Variants in CFAP92 observed in about 807,000 individuals in gnomAD.
CFAP92 encodes the protein uncharacterized protein CFAP92.
CFAP92 carries 86 observed loss-of-function variants against 106.3 expected under a neutral mutation model. The ratio of observed to expected loss-of-function variants is 0.81; its 90% CI spans 0.68 to 0.97. CFAP92 has a LOEUF of 0.97. CFAP92 is among the 50% of genes least tolerant of loss of function. CFAP92 has a pLI of 0.00. For synonymous variants in CFAP92, 477 were observed against 506.4 expected, an observed-to-expected ratio of 0.94 and a Z score of 0.78; for missense variants, 1,204 against 1,283.8, an observed-to-expected ratio of 0.94 and a Z score of 0.95.
At position 128,916,235 on chromosome 3, in the gene CFAP92, G is replaced by T; in HGVS notation, c.2788C>A (p.Pro930Thr). 8.1e-7 allele frequency: 1 copy of T among 1,232,098 alleles called. No homozygotes were observed. The highest frequency in any genetic ancestry group is 1.0e-6 in the Non-Finnish European group (1 of 987,966). The allele number at this position is 1,232,098 out of a possible 1,614,324, so 76.3% of individuals were successfully genotyped here. A position where few individuals can be genotyped will look rare whatever the true frequency, so the allele number is the denominator to read the frequency against. ...ITEAYQVSKK[P>T]PKSVAKVIKI... ...ATCACCTTCGCCACGGACTTCGGAGGCTTCTTGCTGACCTGGTAGGCTTCT... is the reference window on the plus strand; with the variant it reads ...ATCACCTTCGCCACGGACTTCGGAGTCTTCTTGCTGACCTGGTAGGCTTCT... The change falls in exon 13 of 16, where the codon CCT becomes ACT. Residue 930 changes from proline (P) to threonine (T), a missense_variant. Coordinates refer to ENST00000645291, the MANE Select transcript of CFAP92 (RefSeq NM_001394090.1).
At chr3:128,940,898 C>G (rs535661485) in intron 10 of CFAP92, among the ~76,000 whole-genome samples, 1 of 151,894 alleles carries the variant, frequency 6.6e-6, no homozygotes, top group Non-Finnish European at 1.5e-5. Context: ...AAGTATGAAC[C>G]TTTATTAACA....
intron 9 of CFAP92, among the ~76,000 whole-genome samples, chr3:128,947,605 T>C (rs1240611565): frequency 6.6e-6 from 1 of 152,188 alleles, no homozygotes; most frequent in East Asian, 1.9e-4. Context: ...GTATGGCTAA[T>C]CTATGTTTAT....
intron 1 of CFAP92, chr3:129,001,742 C>T (rs1246889168): frequency 2.6e-6 from 4 of 1,537,148 alleles, no homozygotes; most frequent in Admixed American, 2.0e-5. Flanking sequence ...CGCACCACTA[C>T]GGGCTGGACC....
chr3:128,984,819 C>T (rs1943750209), intron 4 of CFAP92, among the ~76,000 whole-genome samples: 1 of 152,168 alleles, frequency 6.6e-6, no homozygotes, highest in African/African-American at 2.4e-5. Flanking sequence ...TGTGACCTAC[C>T]AGGCATCCAA....
chr3:128,993,215 C>G lies in CFAP92; in HGVS notation c.90G>C (p.Glu30Asp), dbSNP rs756922480. ...SITSFYQSTSECDVEEHLKAK... is the reference protein window; with the variant it reads ...SITSFYQSTSDCDVEEHLKAK... ...CCTTCAGGTGTTCCTCCACGTCACA[C>G]TCGCTCGTGGACTGGTAAAAGCTAG... is the stretch of plus-strand genomic sequence containing the variant. Residue 30 changes from glutamate (E) to aspartate (D), a missense_variant, in exon 2 of 16, where the codon GAG becomes GAC. Physicochemically the swap from Glu to Asp is conservative, Grantham distance 45. Transcript: ENST00000645291. The G allele has an allele frequency of 1.9e-6, 3 of 1,614,062 alleles. No individual in the cohort carries two copies. Among genetic ancestry groups the G allele is most frequent in the East Asian group, 2.2e-5 (1 of 44,880 alleles).
rs369202308 is a variant in CFAP92 at position 128,988,897 on chromosome 3, C to T, written c.284G>A (p.Ser95Asn). 19 of 1,613,164 alleles carry T rather than the reference C, an allele frequency of 1.2e-5. No individual in the cohort carries two copies. The highest frequency in any genetic ancestry group is 6.7e-5 in the African/African-American group (5 of 74,876). ...GTGTTTCTTATATTTTTCAATCAAA[C>T]TTGCATATTTTCCCTTCTGACCTTG... ...VNMGQKGKYASLIEKYKKHPK... is the reference protein window; with the variant it reads ...VNMGQKGKYANLIEKYKKHPK... Residue 95 changes from serine to asparagine, a missense_variant, in exon 3 of 16, where the codon AGT becomes AAT. Physicochemically the swap from Ser to Asn is conservative, Grantham distance 46. Transcript: ENST00000645291.
chr3:128,910,742 T>TTCTC, intron 15 of CFAP92: 5 of 1,614,244 alleles, frequency 3.1e-6, no homozygotes, highest in Non-Finnish European at 2.5e-6. Flanking sequence ...TTCTGGCAGG[T>TTCTC]TCTCTTGGCC....
chr3:128,945,696 G>A lies in CFAP92; in HGVS notation c.1633C>T (p.Pro545Ser), dbSNP rs1244288735. The change falls in exon 10 of 16, where the codon CCC becomes TCC. Residue 545 changes from proline to serine, a missense_variant. Transcript: ENST00000645291. Reference protein sequence around the residue: ...SYLNFQALISPRETENNPFES... With the variant: ...SYLNFQALISSRETENNPFES... The stretch of plus-strand genomic sequence containing the variant: ...AAGGGGTTGTTCTCTGTCTCTCTGG[G>A]AGAGATGAGGGCCTGGAAGTTGAGG... 6.5e-7 allele frequency: 1 copy of A among 1,536,108 alleles called. No homozygotes were observed. The highest frequency in any genetic ancestry group is 8.7e-7 in the Non-Finnish European group (1 of 1,146,912).
Position 129,002,139 on chromosome 3 carries a change from G to T in CFAP92, n.117+435C>A, listed in dbSNP as rs529712866. 5 of 1,474,814 alleles carry T rather than the reference G, an allele frequency of 3.4e-6. No homozygotes were observed. The South Asian group carries it at 6.8e-5, about 20-fold the overall frequency. The allele number at this position is 1,474,814 out of a possible 1,614,324, so 91.4% of individuals were successfully genotyped here. On this transcript the variant is annotated intron_variant and non_coding_transcript_variant, in intron 1 of 4. Coordinates refer to the CFAP92 transcript ENST00000510149. ...CCGCGGCGCTCTCAGCGAGCACATC[G>T]AGACGCAGATCCGCCTGCGCCGTCC...
intron 9 of CFAP92, among the ~76,000 whole-genome samples, chr3:128,956,220 A>AG (rs1941399970): frequency 1.1e-5 from 1 of 88,816 alleles, no homozygotes; most frequent in African/African-American, 1.2e-4. Flanking sequence ...AAAAATAAAA[A>AG]AAAAAAAAGA....
chr3:128,944,951 C>A, intron 10 of CFAP92, 120 bp downstream of exon 10: 1 of 870,514 alleles, frequency 1.1e-6, no homozygotes, highest in East Asian at 2.7e-5. Flanking sequence ...TCACAATGAA[C>A]CCCGAAAGGA....
At chr3:128,998,707 C>T (rs1450133164), upstream of CFAP92, among the ~76,000 whole-genome samples, 1 of 152,124 alleles carries the variant, frequency 6.6e-6, no homozygotes, top group Admixed American at 6.5e-5. Flanking sequence ...ATAGTTCATC[C>T]CCAGGGAGCA....
the CFAP92 span, among the ~76,000 whole-genome samples, chr3:129,010,291 C>T: frequency 1.3e-5 from 2 of 152,144 alleles, no homozygotes; most frequent in African/African-American, 4.8e-5. This position sits in a 1 kb window ranked among gnomAD's most constrained non-coding sequence, Gnocchi z 4.3. Flanking sequence ...CTACCCTGCT[C>T]TGAAGCCAAG....
upstream of CFAP92, chr3:129,003,898 G>A (rs1487123881): frequency 1.5e-6 from 2 of 1,373,550 alleles, no homozygotes; most frequent in East Asian, 3.2e-5. Context: ...TGGCTGCGGC[G>A]GAGGCCCGCG....
intron 8 of CFAP92, chr3:128,970,241 CAAA>C (rs367889241): frequency 2.8e-5 from 4 of 141,004 alleles, no homozygotes; most frequent in Admixed American, 7.2e-5. Context: ...GACCCTATCT[CAAA>C]AAAAAAAAAA....
chr3:129,003,785 TC>T, upstream of CFAP92: 2 of 1,433,858 alleles, frequency 1.4e-6, no homozygotes, highest in Non-Finnish European at 1.8e-6. Context: ...TGCTGCCCTG[TC>T]CCCGCAGGTC....
intron 13 of CFAP92, 106 bp from the exon 14 acceptor site, chr3:128,915,669 C>T (rs1016503499): frequency 6.8e-6 from 5 of 739,124 alleles, no homozygotes; most frequent in Non-Finnish European, 1.1e-5. Context: ...TAGTTCCTGA[C>T]AATGTAAATA....
At chr3:128,966,640 G>T (rs1942388264) in intron 8 of CFAP92, 1 of 147,980 alleles carries the variant, frequency 6.8e-6, no homozygotes, top group Non-Finnish European at 1.5e-5. Flanking sequence ...GCACGGTCTT[G>T]GCTCACTGCT....
intron 9 of CFAP92, among the ~76,000 whole-genome samples, chr3:128,950,497 A>G (rs1940675201): frequency 1.3e-5 from 2 of 152,260 alleles, no homozygotes; most frequent in African/African-American, 4.8e-5. Flanking sequence ...GTGCCCATGA[A>G]GCAAGCTGGA....
Sources: allele counts gnomAD v4.1 joint callset (sites outside exome capture counted in the v4.1 genomes callset), GRCh38; gene constraint gnomAD v4.1.1; non-coding constraint Gnocchi (gnomAD v3.1); transcripts MANE v1.5; gene names NCBI Gene and HGNC (gene_info 2026-07-23, HGNC 2026-07-21).